Variants in ZFAND6 observed in about 807,000 individuals in gnomAD.
ZFAND6 encodes the protein zinc finger AN1-type containing 6, also known as AN1-type zinc finger protein 6.
Under a neutral mutation model 24.5 loss-of-function variants are expected in ZFAND6, and 12 were observed. The observed-to-expected ratio is 0.49, with a 90% CI of 0.31 to 0.79. ZFAND6 has a LOEUF of 0.79. Ranked by LOEUF, ZFAND6 falls within the 30% of genes least tolerant of loss-of-function variation. ZFAND6 has a pLI of 0.04. For synonymous variants in ZFAND6, 92 were observed against 81.5 expected, an observed-to-expected ratio of 1.13 and a Z score of -0.69; for missense variants, 207 against 245.9, an observed-to-expected ratio of 0.84 and a Z score of 1.06.
intron 6 of ZFAND6, among the ~76,000 whole-genome samples, chr15:80,134,523 C>T (rs2040767694): frequency 6.6e-6 from 1 of 152,152 alleles, no homozygotes; most frequent in African/African-American, 2.4e-5. Context: ...TTGAAGATAC[C>T]ATTATTGTTT....
At chr15:80,080,525 T>TGTG (rs1356931622) in intron 1 of ZFAND6, among the ~76,000 whole-genome samples, 1 of 152,232 alleles carries the variant, frequency 6.6e-6, no homozygotes, top group African/African-American at 2.4e-5. Flanking sequence ...AGTTATGTGA[T>TGTG]ATCATCTCCC....
At chr15:80,086,873 T>G (rs1170476844) in intron 1 of ZFAND6, among the ~76,000 whole-genome samples, 1 of 152,238 alleles carries the variant, frequency 6.6e-6, no homozygotes, top group Non-Finnish European at 1.5e-5. Flanking sequence ...CACTGTGAGT[T>G]TGACCATTCC....
intron 1 of ZFAND6, among the ~76,000 whole-genome samples, chr15:80,083,424 T>C (rs952301546): frequency 3.9e-5 from 6 of 152,196 alleles, no homozygotes; most frequent in Non-Finnish European, 5.9e-5. Flanking sequence ...TGGGGAAACA[T>C]GCAGAGAATT....
intron 1 of ZFAND6, among the ~76,000 whole-genome samples, chr15:80,079,995 T>C (rs559044239): frequency 1.1e-4 from 17 of 151,134 alleles, no homozygotes; most frequent in South Asian, 2.1e-4. Context: ...CTGTTTTTTT[T>C]CCCTTTCTTT....
intron 5 of ZFAND6, among the ~76,000 whole-genome samples, chr15:80,123,381 G>A (rs1051731403): frequency 5.3e-5 from 8 of 152,148 alleles, no homozygotes; most frequent in African/African-American, 1.4e-4. Flanking sequence ...GAGAGAATGC[G>A]GAGTAGGCCA....
intron 2 of ZFAND6, among the ~76,000 whole-genome samples, chr15:80,099,672 A>G (rs1342598655): frequency 1.6e-5 from 2 of 128,392 alleles, no homozygotes; most frequent in Non-Finnish European, 3.1e-5. Flanking sequence ...GGCTGGAGGC[A>G]GTGGCACAAT....
At chr15:80,076,899 C>G (rs1371994726) in intron 1 of ZFAND6, among the ~76,000 whole-genome samples, 2 of 150,288 alleles carry the variant, frequency 1.3e-5, no homozygotes, top group African/African-American at 4.9e-5. Context: ...TTAAGGGAAA[C>G]AAACATTAAA....
intron 2 of ZFAND6, among the ~76,000 whole-genome samples, chr15:80,117,492 G>C (rs781739462): frequency 6.6e-6 from 1 of 152,192 alleles, no homozygotes; most frequent in Non-Finnish European, 1.5e-5. Context: ...AAAGTGCTGG[G>C]ATTACAGGCA....
chr15:80,068,951 C>A (rs1182967931), intron 1 of ZFAND6, among the ~76,000 whole-genome samples: 1 of 152,222 alleles, frequency 6.6e-6, no homozygotes, highest in East Asian at 1.9e-4. Flanking sequence ...TAAACTAACT[C>A]TGTTAACTTT....
chr15:80,108,676 G>T lies in ZFAND6; in HGVS notation c.-18+10098G>T, dbSNP rs142228559. 3.4e-3 allele frequency among the ~76,000 whole-genome samples: 515 copies of T among 152,210 alleles called. 3 individuals are homozygous for T. Among genetic ancestry groups the T allele is most frequent in the South Asian group, 0.022 (108 of 4,822 alleles). ...GCTAAATGAACCTCTTTCTGAGTAG[G>T]CTGAATGGAAAAGATGCCCAAAAGC... On this transcript the variant is annotated intron_variant, in intron 2 of 6. Transcript: ENST00000261749.
intron 1 of ZFAND6, among the ~76,000 whole-genome samples, chr15:80,063,803 G>C (rs993340292): frequency 6.6e-6 from 1 of 152,082 alleles, no homozygotes; most frequent in East Asian, 1.9e-4. Context: ...CACCTGCCTA[G>C]GCCTCCCAAA....
chr15:80,093,037 C>G (rs924441822), intron 1 of ZFAND6, among the ~76,000 whole-genome samples: 1 of 151,680 alleles, frequency 6.6e-6, no homozygotes, highest in African/African-American at 2.4e-5. Context: ...TCACTGCAAC[C>G]TCTGCCTCCT....
At chr15:80,117,195 T>G (rs1429695875) in intron 2 of ZFAND6, among the ~76,000 whole-genome samples, 1 of 152,196 alleles carries the variant, frequency 6.6e-6, no homozygotes, top group African/African-American at 2.4e-5. Context: ...TGAGTGCACT[T>G]TGTTCATTTA....
chr15:80,093,675 A>C (rs1010758985), intron 1 of ZFAND6, among the ~76,000 whole-genome samples: 3 of 152,232 alleles, frequency 2.0e-5, no homozygotes, highest in Non-Finnish European at 4.4e-5. Context: ...CAGTGAGCCG[A>C]GATCGCGCCA....
At position 80,137,781 on chromosome 15, in the gene ZFAND6, T is replaced by C. The variant is rs2040928208; in HGVS notation, c.*153T>C. ...TTTGGTTTTGTTTTGAAAATGACTC[T>C]GAACATTTATTTCCATTGCAATTTC... On this transcript the variant is annotated 3_prime_UTR_variant, in exon 7 of 7. Transcript: ENST00000261749. The C allele has an allele frequency of 1.4e-6, 1 of 726,242 alleles. No homozygotes were observed. The highest frequency in any genetic ancestry group is 2.0e-6 in the Non-Finnish European group (1 of 493,480). 45.0% of individuals were successfully genotyped at this position (726,242 alleles called of 1,614,324 possible).
At chr15:80,077,863 C>T (rs538269908) in intron 1 of ZFAND6, among the ~76,000 whole-genome samples, 1 of 151,868 alleles carries the variant, frequency 6.6e-6, no homozygotes, top group Non-Finnish European at 1.5e-5. Context: ...CCACGCCCGG[C>T]TAATTTTTGT....
rs1391314866 is a variant in ZFAND6, at chr15:80,094,310, T to G, written c.-180-4106T>G. ...TGGGAGCTGGCATTACCACTTGAGCTCCGCCTCCTGTCAGATCAGCAACAC... is the reference window on the plus strand; with the variant it reads ...TGGGAGCTGGCATTACCACTTGAGCGCCGCCTCCTGTCAGATCAGCAACAC... On this transcript the variant is annotated intron_variant, in intron 1 of 6. Transcript: ENST00000261749. 6.6e-5 allele frequency among the ~76,000 whole-genome samples: 10 copies of G among 152,252 alleles called. No individual in the cohort carries two copies. The East Asian group carries it at 1.9e-3, about 29-fold the overall frequency.
upstream of ZFAND6, chr15:80,059,627 C>A (rs2036210223): frequency 6.6e-6 from 1 of 152,162 alleles, no homozygotes; most frequent in Non-Finnish European, 1.5e-5. Flanking sequence ...AATCCAGTGG[C>A]TCTCCTCCGC....
intron 2 of ZFAND6, among the ~76,000 whole-genome samples, chr15:80,112,287 A>G (rs2039648272): frequency 6.6e-6 from 1 of 152,312 alleles, no homozygotes; most frequent in Non-Finnish European, 1.5e-5. Context: ...GAGAAACTAC[A>G]AAGCACAGTC....
Sources: allele counts gnomAD v4.1 joint callset (sites outside exome capture counted in the v4.1 genomes callset), GRCh38; gene constraint gnomAD v4.1.1; transcripts MANE v1.5; gene names NCBI Gene and HGNC (gene_info 2026-07-23, HGNC 2026-07-21).